MDN1: variants seen among roughly 807,000 people sequenced by gnomAD.
MDN1 encodes the protein midasin AAA ATPase 1, also known as midasin.
MDN1 carries 266 observed loss-of-function variants against 669.2 expected under a neutral mutation model. The ratio of observed to expected loss-of-function variants is 0.40; its 90% CI spans 0.36 to 0.44. The LOEUF (loss-of-function observed/expected upper bound fraction) is 0.44, where lower values mean the gene tolerates loss of function less well. Ranked by LOEUF, MDN1 falls within the 20% of genes least tolerant of loss-of-function variation. The probability of loss-of-function intolerance (pLI) is 1.00; values close to 1 mark genes in which losing one functional copy is unlikely to be tolerated. For missense variants in MDN1, 5,940 were observed against 6,754.0 expected, an observed-to-expected ratio of 0.88 and a Z score of 4.22; for synonymous variants, 2,385 against 2,457.1, an observed-to-expected ratio of 0.97 and a Z score of 0.87.
intron 84 of MDN1, among the ~76,000 whole-genome samples, chr6:89,665,646 G>T (rs1414001186): frequency 4.7e-5 from 7 of 148,404 alleles, no homozygotes; most frequent in African/African-American, 1.7e-4. Context: ...GGTGGAGGTT[G>T]TGGCAAGCTG....
intron 33 of MDN1, among the ~76,000 whole-genome samples, chr6:89,737,019 T>G (rs1329470512): frequency 6.6e-6 from 1 of 152,166 alleles, no homozygotes; most frequent in Non-Finnish European, 1.5e-5. Context: ...AAGCTGCACT[T>G]CAACAAGCCC....
intron 63 of MDN1, 78 bp downstream of exon 63, chr6:89,692,365 T>C: frequency 7.7e-7 from 1 of 1,302,028 alleles, no homozygotes; most frequent in Non-Finnish European, 1.0e-6. Context: ...GGCATGCTAA[T>C]GTCCTGCAGG....
chr6:89,712,426 AGCAATATCACAAT>A, intron 48 of MDN1, 136 bp downstream of exon 48: 1 of 949,860 alleles, frequency 1.1e-6, no homozygotes, highest in South Asian at 1.6e-5. Flanking sequence ...ATCAATAGGG[AGCAATATCACAAT>A]GAACAATAAA....
chr6:89,768,747 AAG>A, intron 15 of MDN1, among the ~76,000 whole-genome samples: 1 of 152,156 alleles, frequency 6.6e-6, no homozygotes, highest in East Asian at 1.9e-4. Flanking sequence ...CCCCCAAAAA[AAG>A]AGTTAAAATT....
chr6:89,691,329 T>C (rs1446583236), intron 63 of MDN1, among the ~76,000 whole-genome samples: 1 of 152,196 alleles, frequency 6.6e-6, no homozygotes, highest in Non-Finnish European at 1.5e-5. Context: ...ACTTCTAAGA[T>C]TTTAGATCTT....
chr6:89,803,886 T>TTTTA (rs1767832265), intron 1 of MDN1, among the ~76,000 whole-genome samples: 2 of 73,116 alleles, frequency 2.7e-5, no homozygotes, highest in African/African-American at 1.1e-4. Flanking sequence ...CGGCCTTTTC[T>TTTTA]TTTCTTTTCT....
chr6:89,694,206 G>C, intron 61 of MDN1, 23 bp from the exon 62 acceptor site: 1 of 1,576,418 alleles, frequency 6.3e-7, no homozygotes, highest in Non-Finnish European at 8.7e-7. Context: ...AGAGAAGTTA[G>C]TCCACTGTGT....
intron 8 of MDN1, among the ~76,000 whole-genome samples, chr6:89,785,732 G>A (rs538197795): frequency 6.6e-6 from 1 of 152,306 alleles, no homozygotes; most frequent in East Asian, 1.9e-4. Flanking sequence ...TGGCAGAACT[G>A]AAAATTGAAT....
At chr6:89,710,254 G>A (rs1584242990) in intron 50 of MDN1, among the ~76,000 whole-genome samples, 1 of 152,034 alleles carries the variant, frequency 6.6e-6, no homozygotes, top group African/African-American at 2.4e-5. Flanking sequence ...AGTGAATGAT[G>A]AGCCAAAAAT....
intron 62 of MDN1, 96 bp from the exon 63 acceptor site, chr6:89,693,244 C>T: frequency 1.3e-6 from 1 of 785,036 alleles, no homozygotes; most frequent in Non-Finnish European, 2.0e-6. Context: ...GAAGAAACAT[C>T]AGCTGCTGCG....
At position 89,684,894 on chromosome 6, in the gene MDN1, G is replaced by T. The variant is rs202099544; in HGVS notation, c.11811C>A (p.Pro3937=). ...VQAKIVELRS[P]LEKELKEFVK... Reference sequence around the variant, plus strand: ...ATCTTACTTTAAGTTCTTTTTCTAGGGGGGAACGAAGTTCCACAATTTTGG... The same window carrying T: ...ATCTTACTTTAAGTTCTTTTTCTAGTGGGGAACGAAGTTCCACAATTTTGG... The change falls in exon 71 of 102, where the codon CCC becomes CCA. Residue 3937 remains proline (P), a synonymous_variant. Coordinates refer to ENST00000369393, the MANE Select transcript of MDN1 (RefSeq NM_014611.3). 5 of 1,605,362 alleles carry T rather than the reference G, an allele frequency of 3.1e-6. No individual in the cohort carries two copies. The highest frequency in any genetic ancestry group is 4.3e-6 in the Non-Finnish European group (5 of 1,172,302).
At position 89,716,791 on chromosome 6, in the gene MDN1, T is replaced by C. The variant is rs374389502; in HGVS notation, c.6602A>G (p.Glu2201Gly). 2 of 1,605,602 alleles carry C rather than the reference T, an allele frequency of 1.2e-6. No homozygotes were observed. The highest frequency in any genetic ancestry group is 1.7e-6 in the Non-Finnish European group (2 of 1,177,078). Residue 2201 changes from glutamate to glycine, a missense_variant, in exon 44 of 102, where the codon GAA (glutamate) becomes GGA (glycine). Glu to Gly is a moderately conservative substitution (Grantham distance 98, BLOSUM62 -2). Around this residue, in one of 5 missense-constraint regions of MDN1, gnomAD observed 2,292 missense variants for 2,638.3 expected, o/e 0.87. Transcript: ENST00000369393. Reference sequence around the variant, plus strand: ...CTTCACACCAAAGCTTCGGAACTCTTCAACAAGTTTGGCAAACTCTGAAAT... The same window carrying C: ...CTTCACACCAAAGCTTCGGAACTCTCCAACAAGTTTGGCAAACTCTGAAAT... ...YCKAEFAKLV[E>G]EFRSFGVKLT...
intron 1 of MDN1, among the ~76,000 whole-genome samples, chr6:89,810,459 A>G (rs1415223588): frequency 6.6e-6 from 1 of 152,018 alleles, no homozygotes; most frequent in East Asian, 1.9e-4. Flanking sequence ...AAAACAAAAA[A>G]CAAATTAAAA....
chr6:89,681,821 A>G (rs1811629793), intron 73 of MDN1, among the ~76,000 whole-genome samples: 1 of 152,082 alleles, frequency 6.6e-6, no homozygotes, highest in South Asian at 2.1e-4. Context: ...CTCTTTAAAA[A>G]GTAATTTTTT....
chr6:89,719,992 T>A (rs1814704222), intron 40 of MDN1, among the ~76,000 whole-genome samples: 1 of 151,956 alleles, frequency 6.6e-6, no homozygotes, highest in African/African-American at 2.4e-5. Context: ...AAAACATTAA[T>A]TTAGCCCACA....
chr6:89,743,696 G>A lies in MDN1; in HGVS notation c.4197C>T (p.Ile1399=). ...TTGCCAAGGCTGCAAATACCTGACA[G>A]ATAGTAGTTTTCCCACACCTGTTAG... is the stretch of plus-strand genomic sequence containing the variant. ...VGDTGCGKTT[I]CQVFAALANQ... The change falls in exon 30 of 102, where the codon ATC becomes ATT. Residue 1399 remains isoleucine, a synonymous_variant. Coordinates refer to ENST00000369393, the MANE Select transcript of MDN1 (RefSeq NM_014611.3). 6.2e-7 allele frequency: 1 copy of A among 1,614,006 alleles called. No individual in the cohort carries two copies. Among genetic ancestry groups the A allele is most frequent in the Non-Finnish European group, 8.5e-7 (1 of 1,179,940 alleles).
Position 89,706,167 on chromosome 6 carries a change from G to T in MDN1, c.8040C>A (p.Pro2680=). ...CAGCAAGATTGACCACAATTTCATG[G>T]GGCAGAGTGTGATAGCTTTCTGGAT... ...HQDPESYHTL[P]HEIVVNLAAF... Residue 2680 remains proline, a synonymous_variant, in exon 53 of 102, where the codon CCC becomes CCA. Coordinates refer to ENST00000369393, the MANE Select transcript of MDN1 (RefSeq NM_014611.3). 3 of 1,613,346 alleles carry T rather than the reference G, an allele frequency of 1.9e-6. No individual in the cohort carries two copies. Among genetic ancestry groups the T allele is most frequent in the Non-Finnish European group, 2.5e-6 (3 of 1,179,516 alleles).
At chr6:89,752,052 G>A (rs994188893) in intron 22 of MDN1, among the ~76,000 whole-genome samples, 3 of 152,128 alleles carry the variant, frequency 2.0e-5, no homozygotes, top group Admixed American at 6.5e-5. Context: ...TGTGGATGAT[G>A]GCATCACTTT....
chr6:89,751,720 G>T, intron 22 of MDN1, 138 bp from the exon 23 acceptor site: 1 of 904,706 alleles, frequency 1.1e-6, no homozygotes, highest in Non-Finnish European at 1.6e-6. Context: ...GATGAAATAT[G>T]AACATAAAAT....
Sources: allele counts gnomAD v4.1 joint callset (sites outside exome capture counted in the v4.1 genomes callset), GRCh38; gene constraint gnomAD v4.1.1; regional missense constraint gnomAD v4.1.1; transcripts MANE v1.5; gene names NCBI Gene and HGNC (gene_info 2026-07-23, HGNC 2026-07-21).